The following PKNOX2 variants were observed in gnomAD, a reference collection of about 807,000 sequenced individuals.
The protein encoded by PKNOX2 is PBX/knotted 1 homeobox 2, also known as homeobox protein PKNOX2.
In PKNOX2, 14 loss-of-function variants were observed where a neutral mutation model predicts 53.1. The ratio of observed to expected loss-of-function variants is 0.26; its 90% CI spans 0.17 to 0.41. The LOEUF (loss-of-function observed/expected upper bound fraction) is 0.41. Among genes scored for constraint, PKNOX2 ranks in the 10% least tolerant of loss-of-function variants. The pLI is 1.00. For missense variants in PKNOX2, 496 were observed against 602.8 expected, an observed-to-expected ratio of 0.82 and a Z score of 1.85; for synonymous variants, 257 against 242.8, an observed-to-expected ratio of 1.06 and a Z score of -0.54.
chr11:125,261,965 CAG>C (rs1944881311), intron 2 of PKNOX2, among the ~76,000 whole-genome samples: 1 of 152,222 alleles, frequency 6.6e-6, no homozygotes, highest in Non-Finnish European at 1.5e-5. Flanking sequence ...GCTTCACAGA[CAG>C]AGCAACTTCC....
chr11:125,267,943 G>A (rs1384234669), intron 2 of PKNOX2, among the ~76,000 whole-genome samples: 2 of 152,226 alleles, frequency 1.3e-5, no homozygotes, highest in Non-Finnish European at 2.9e-5. Flanking sequence ...AGTGATGGGA[G>A]GATGGTAGGG....
At chr11:125,263,632 G>A (rs1027352791) in intron 2 of PKNOX2, among the ~76,000 whole-genome samples, 2 of 152,362 alleles carry the variant, frequency 1.3e-5, no homozygotes, top group East Asian at 1.9e-4. Flanking sequence ...CAGCGCGGGA[G>A]GGGGAGAGCT....
At chr11:125,176,309 A>G (rs1299889936) in intron 1 of PKNOX2, among the ~76,000 whole-genome samples, 2 of 152,212 alleles carry the variant, frequency 1.3e-5, no homozygotes, top group African/African-American at 2.4e-5. Context: ...TGCCAGTCAC[A>G]TTCACTAGAT....
At position 125,170,116 on chromosome 11, in the gene PKNOX2, C is replaced by T. The variant is rs184674875; in HGVS notation, c.-201+5340C>T. 4.0e-3 allele frequency among the ~76,000 whole-genome samples: 615 copies of T among 152,272 alleles called. 2 individuals carry two copies. Among genetic ancestry groups the T allele is most frequent in the Non-Finnish European group, 6.2e-3 (423 of 68,016 alleles). ...TTGGGTGCTGGTCTGCAGCTAGCCA[C>T]GGCCTGAACCTCTCTTAGCAGTCTC... On this transcript the variant is annotated intron_variant, in intron 1 of 12. Coordinates refer to ENST00000298282, the MANE Select transcript of PKNOX2 (RefSeq NM_001382323.2).
chr11:125,371,538 C>G (rs1290957350), intron 5 of PKNOX2, among the ~76,000 whole-genome samples: 1 of 152,130 alleles, frequency 6.6e-6, no homozygotes, highest in Admixed American at 6.5e-5. Flanking sequence ...TTCCCTCCCC[C>G]TCCTCCCCTC....
At chr11:125,267,872 A>C (rs1446778169) in intron 2 of PKNOX2, among the ~76,000 whole-genome samples, 2 of 152,210 alleles carry the variant, frequency 1.3e-5, no homozygotes, top group Non-Finnish European at 2.9e-5. Context: ...CAGAGGCCTG[A>C]TGAGAACAAG....
At chr11:125,267,245 C>T (rs536903491) in intron 2 of PKNOX2, among the ~76,000 whole-genome samples, 1 of 152,186 alleles carries the variant, frequency 6.6e-6, no homozygotes, top group Admixed American at 6.5e-5. Context: ...AAACTCCTCC[C>T]CTTGTGCTCA....
At chr11:125,364,483 G>A (rs1194692973) in intron 4 of PKNOX2, among the ~76,000 whole-genome samples, 2 of 152,116 alleles carry the variant, frequency 1.3e-5, no homozygotes, top group South Asian at 2.1e-4. Context: ...GTCCTGCCTA[G>A]GAGGGGGACT....
chr11:125,181,573 G>T (rs1404633012), intron 1 of PKNOX2, among the ~76,000 whole-genome samples: 1 of 152,224 alleles, frequency 6.6e-6, no homozygotes, highest in Non-Finnish European at 1.5e-5. Flanking sequence ...CCTGAACAAC[G>T]TCGTTTACCA....
chr11:125,219,655 G>A (rs995949448), intron 1 of PKNOX2, among the ~76,000 whole-genome samples: 1 of 152,168 alleles, frequency 6.6e-6, no homozygotes, highest in African/African-American at 2.4e-5. Flanking sequence ...ATGTATGAGA[G>A]CATGATCAAC....
intron 2 of PKNOX2, among the ~76,000 whole-genome samples, chr11:125,257,945 G>A (rs12285852): frequency 0.24 from 36,169 of 152,028 alleles, 5,468 homozygotes; most frequent in Non-Finnish European, 0.33. Flanking sequence ...TTGTTAACCT[G>A]CCTTCCCAAG....
At chr11:125,420,218 GT>G (rs1350741348) in intron 10 of PKNOX2, among the ~76,000 whole-genome samples, 12 of 75,986 alleles carry the variant, frequency 1.6e-4, no homozygotes, top group Non-Finnish European at 2.6e-4. Context: ...AAAAAGCTGA[GT>G]TTTTTATTTA....
At chr11:125,202,301 C>G (rs987196475) in intron 1 of PKNOX2, among the ~76,000 whole-genome samples, 3 of 152,168 alleles carry the variant, frequency 2.0e-5, no homozygotes, top group African/African-American at 7.2e-5. Flanking sequence ...CTTGCCCTGC[C>G]CCCTGCACCC....
intron 1 of PKNOX2, among the ~76,000 whole-genome samples, chr11:125,218,245 C>T (rs552587762): frequency 1.1e-4 from 17 of 152,140 alleles, no homozygotes; most frequent in East Asian, 5.8e-4. Flanking sequence ...CGCTGGCCCC[C>T]GAGCTAAGTA....
chr11:125,384,557 G>A (rs1433366647), intron 5 of PKNOX2, among the ~76,000 whole-genome samples: 1 of 152,166 alleles, frequency 6.6e-6, no homozygotes, highest in Non-Finnish European at 1.5e-5. Flanking sequence ...GGTGGCGGAG[G>A]CCTGTAGTCC....
intron 10 of PKNOX2, among the ~76,000 whole-genome samples, chr11:125,425,918 GAC>G (rs58249869): frequency 0.88 from 133,508 of 151,810 alleles, 58,984 homozygotes; most frequent in East Asian, 1. Flanking sequence ...TGAGATACTG[GAC>G]GTCCAGGAGG....
chr11:125,189,464 TATATATATATATATATATATATATATAC>T (rs1388998346), intron 1 of PKNOX2, among the ~76,000 whole-genome samples: 42 of 109,584 alleles, frequency 3.8e-4, no homozygotes, highest in Non-Finnish European at 2.8e-4. Context: ...TATATATATA[TATATATATATATATATATATATATATAC>T]AAAAGCAAGG....
chr11:125,315,900 G>A (rs1949155154), intron 2 of PKNOX2, among the ~76,000 whole-genome samples: 1 of 152,200 alleles, frequency 6.6e-6, no homozygotes, highest in African/African-American at 2.4e-5. Flanking sequence ...CTGTGTAAGA[G>A]CAGGAGTCCA....
chr11:125,230,373 A>G (rs1942102947), intron 1 of PKNOX2, among the ~76,000 whole-genome samples: 1 of 152,192 alleles, frequency 6.6e-6, no homozygotes, highest in Non-Finnish European at 1.5e-5. Context: ...ACTGCAAAAC[A>G]TTGTCAGGTG....
Sources: allele counts gnomAD v4.1 joint callset (sites outside exome capture counted in the v4.1 genomes callset), GRCh38; gene constraint gnomAD v4.1.1; transcripts MANE v1.5; gene names NCBI Gene and HGNC (gene_info 2026-07-23, HGNC 2026-07-21).